The following SKI variants were observed in gnomAD, a reference collection of about 807,000 sequenced individuals.
The protein encoded by SKI is ski oncogene.
A neutral mutation model predicts 59.3 loss-of-function variants in SKI; 23 were observed. That is an observed-to-expected ratio of 0.39 (90% CI 0.28 to 0.55). The LOEUF (loss-of-function observed/expected upper bound fraction) is 0.55. Ranked by LOEUF, SKI falls within the 20% of genes least tolerant of loss-of-function variation. The probability of loss-of-function intolerance (pLI) is 0.67; values close to 1 mark genes in which losing one functional copy is unlikely to be tolerated. For synonymous variants in SKI, 673 were observed against 488.6 expected, an observed-to-expected ratio of 1.38 and a Z score of -4.98; for missense variants, 1,017 against 1,038.9, an observed-to-expected ratio of 0.98 and a Z score of 0.29.
In SKI at chr1:2,295,262, G is replaced by A. The variant is rs543601109; in HGVS notation, c.970-7716G>A. Reference sequence around the variant, plus strand: ...ATGGCAGCATCCATGCCAGCCGAGCGCCCCTCTGGCTCCCAGGCATCTCAT... The same window carrying A: ...ATGGCAGCATCCATGCCAGCCGAGCACCCCTCTGGCTCCCAGGCATCTCAT... On this transcript the variant is annotated intron_variant, in intron 1 of 6. Coordinates refer to ENST00000378536, the MANE Select transcript of SKI (RefSeq NM_003036.4). 2.0e-3 allele frequency among the ~76,000 whole-genome samples: 310 copies of A among 152,340 alleles called. 1 individual carries two copies. The highest frequency in any genetic ancestry group is 3.6e-3 in the Admixed American group (55 of 15,302).
At position 2,303,739 on chromosome 1, in the gene SKI, G is replaced by C; in HGVS notation, c.1212-101G>C. 2 of 1,466,146 alleles carry C rather than the reference G, an allele frequency of 1.4e-6. No homozygotes were observed. The highest frequency in any genetic ancestry group is 1.9e-6 in the Non-Finnish European group (2 of 1,070,912). The allele number at this position is 1,466,146 out of a possible 1,614,324, so 90.8% of individuals were successfully genotyped here. On this transcript the variant is annotated intron_variant, in intron 3 of 6. Coordinates refer to ENST00000378536, the MANE Select transcript of SKI (RefSeq NM_003036.4). This position sits in a 1 kb window ranked among gnomAD's most constrained non-coding sequence, Gnocchi z 5.6. ...GACTTGAAGATTCGGAGCTGGGAAAGTCTTTCCTGTTTAACACCTTCAGAG... is the reference window on the plus strand; with the variant it reads ...GACTTGAAGATTCGGAGCTGGGAAACTCTTTCCTGTTTAACACCTTCAGAG...
intron 1 of SKI, among the ~76,000 whole-genome samples, chr1:2,275,172 G>T (rs1316517073): frequency 1.3e-5 from 2 of 152,244 alleles, no homozygotes; most frequent in Non-Finnish European, 2.9e-5. Context: ...TGGGGGCCCG[G>T]TGGAGATGTG....
rs1032146782 is a variant in SKI at position 2,269,039 on chromosome 1, G to T, written c.970-33939G>T. ...CAGTCTTGCGGCCTCAACCTTGTTG[G>T]TTCAAGTGATCCTCCCACCTCAGCC... is the stretch of plus-strand genomic sequence containing the variant. On this transcript the variant is annotated intron_variant, in intron 1 of 6. Coordinates refer to ENST00000378536, the MANE Select transcript of SKI (RefSeq NM_003036.4). This position sits in a 1 kb window ranked among gnomAD's most constrained non-coding sequence, Gnocchi z 4.7. 6.6e-6 allele frequency among the ~76,000 whole-genome samples: 1 copy of T among 152,076 alleles called. No individual in the cohort carries two copies. Among genetic ancestry groups the T allele is most frequent in the Admixed American group, 6.5e-5 (1 of 15,268 alleles).
intron 1 of SKI, among the ~76,000 whole-genome samples, chr1:2,247,843 G>A (rs1338990471): frequency 1.3e-5 from 2 of 152,356 alleles, no homozygotes; most frequent in African/African-American, 4.8e-5. Flanking sequence ...CTTACTGCTG[G>A]CTGCACACCT....
chr1:2,285,464 G>A (rs1373341798), intron 1 of SKI, among the ~76,000 whole-genome samples: 1 of 151,894 alleles, frequency 6.6e-6, no homozygotes, highest in Non-Finnish European at 1.5e-5. Flanking sequence ...GCAGTGAGCT[G>A]AGATCGTGCC....
chr1:2,254,731 T>C (rs1182721366), intron 1 of SKI, among the ~76,000 whole-genome samples: 2 of 151,618 alleles, frequency 1.3e-5, no homozygotes, highest in Non-Finnish European at 2.9e-5. Context: ...GGTCACTGCG[T>C]GCGTGTGTGT....
intron 1 of SKI, among the ~76,000 whole-genome samples, chr1:2,233,702 C>CT (rs1337938344): frequency 1.3e-5 from 2 of 152,128 alleles, no homozygotes; most frequent in African/African-American, 4.8e-5. Flanking sequence ...GGCTTGAGAC[C>CT]TTTGAGTCTC....
chr1:2,274,169 G>A (rs982584835), intron 1 of SKI, among the ~76,000 whole-genome samples: 2 of 151,944 alleles, frequency 1.3e-5, no homozygotes, highest in Non-Finnish European at 1.5e-5. Flanking sequence ...CTCCGAGGCT[G>A]GACTCCTTTT....
chr1:2,235,600 C>G (rs1638735628), intron 1 of SKI, among the ~76,000 whole-genome samples: 1 of 152,240 alleles, frequency 6.6e-6, no homozygotes, highest in African/African-American at 2.4e-5. Flanking sequence ...GTTGGTTTCA[C>G]TGTGTGGTAC....
Position 2,270,239 on chromosome 1 carries a change from T to A in SKI, c.970-32739T>A, listed in dbSNP as rs996507518. On this transcript the variant is annotated intron_variant, in intron 1 of 6. Coordinates refer to ENST00000378536, the MANE Select transcript of SKI (RefSeq NM_003036.4). This position sits in a 1 kb window ranked among gnomAD's most constrained non-coding sequence, Gnocchi z 4.1. ...GGCAGGTGGGCCCACTGGCTGGCGC[T>A]GCGTCTGGGTTCGGTCCTGGACCTG... is the stretch of plus-strand genomic sequence containing the variant. Among the ~76,000 whole-genome samples, 7 of 152,218 alleles carry A rather than the reference T, an allele frequency of 4.6e-5. No individual in the cohort carries two copies. The highest frequency in any genetic ancestry group is 1.0e-4 in the Non-Finnish European group (7 of 68,024).
Position 2,306,761 on chromosome 1 carries a change from C to CGTAGATTCCGTGCCTG in SKI, c.2184_*12dup. 6 of 1,513,748 alleles carry CGTAGATTCCGTGCCTG rather than the reference C, an allele frequency of 4.0e-6. No individual in the cohort carries two copies. The highest frequency in any genetic ancestry group is 5.3e-6 in the Non-Finnish European group (6 of 1,134,686). 93.8% of individuals were successfully genotyped at this position (1,513,748 alleles called of 1,614,324 possible). A position where few individuals can be genotyped will look rare whatever the true frequency, so the allele number is the denominator to read the frequency against. On this transcript the variant is annotated stop_gained and frameshift_variant, in exon 7 of 7. Transcript: ENST00000378536. LOFTEE classifies it high-confidence loss of function. Reference sequence around the variant, plus strand: ...AGCGAGGGCGCTGCGGAGCTGGAGCCGTAGATTCCGTGCCTGCCGCCGCAG... The same window carrying CGTAGATTCCGTGCCTG: ...AGCGAGGGCGCTGCGGAGCTGGAGCCGTAGATTCCGTGCCTGGTAGATTCCGTGCCTGCCGCCGCAG...
At chr1:2,289,468 G>A (rs977670313) in intron 1 of SKI, among the ~76,000 whole-genome samples, 10 of 151,328 alleles carry the variant, frequency 6.6e-5, no homozygotes, top group Non-Finnish European at 1.3e-4. Context: ...CGAGCCCCGC[G>A]CAGGGCAGGG....
intron 1 of SKI, among the ~76,000 whole-genome samples, chr1:2,234,059 A>G (rs1249679386): frequency 6.6e-6 from 1 of 152,208 alleles, no homozygotes; most frequent in South Asian, 2.1e-4. Context: ...CTCTGGGGTC[A>G]GGCTCCCGGC....
rs536606019 is a variant in SKI, at chr1:2,284,329, C to T, written c.970-18649C>T. Among the ~76,000 whole-genome samples, 14 of 152,332 alleles carry T rather than the reference C, an allele frequency of 9.2e-5. No homozygotes were observed. In the East Asian group the frequency reaches 9.7e-4, roughly 11 times the overall value. On this transcript the variant is annotated intron_variant, in intron 1 of 6. Coordinates refer to ENST00000378536, the MANE Select transcript of SKI (RefSeq NM_003036.4). Reference sequence around the variant, plus strand: ...AGTTCCCTCCTCTCCCACCCCGAGGCGGCCTGAGAAGAGCCTCTTGGAGGT... The same window carrying T: ...AGTTCCCTCCTCTCCCACCCCGAGGTGGCCTGAGAAGAGCCTCTTGGAGGT...
At chr1:2,240,722 C>A in intron 1 of SKI, 3 of 985,420 alleles carry the variant, frequency 3.0e-6, no homozygotes, top group Non-Finnish European at 3.6e-6. Flanking sequence ...TCCAGGAGAG[C>A]GGTGGCGCAG....
intron 1 of SKI, among the ~76,000 whole-genome samples, chr1:2,251,164 G>A (rs902733992): frequency 3.9e-5 from 6 of 152,188 alleles, no homozygotes; most frequent in African/African-American, 1.4e-4. Context: ...CCTTCTTGCC[G>A]TGTAGTAGCG....
chr1:2,298,760 C>G (rs926983415), intron 1 of SKI, among the ~76,000 whole-genome samples: 52 of 152,206 alleles, frequency 3.4e-4, no homozygotes, highest in African/African-American at 1.2e-3. Flanking sequence ...TATCAACGCG[C>G]CCACCAAATG....
chr1:2,256,300 T>C (rs1277161308), intron 1 of SKI, among the ~76,000 whole-genome samples: 1 of 152,230 alleles, frequency 6.6e-6, no homozygotes, highest in African/African-American at 2.4e-5. Flanking sequence ...TTCCTGTCTG[T>C]GCTGCTTTCT....
At chr1:2,289,017 T>C (rs1424113808) in intron 1 of SKI, among the ~76,000 whole-genome samples, 1 of 152,222 alleles carries the variant, frequency 6.6e-6, no homozygotes, top group Middle Eastern at 3.2e-3. Context: ...CGCATGCACC[T>C]GTCACTGAGC....
Sources: allele counts gnomAD v4.1 joint callset (sites outside exome capture counted in the v4.1 genomes callset), GRCh38; gene constraint gnomAD v4.1.1; non-coding constraint Gnocchi (gnomAD v3.1); transcripts MANE v1.5; gene names NCBI Gene and HGNC (gene_info 2026-07-23, HGNC 2026-07-21).